The following CCDC186 variants were observed in gnomAD, a reference collection of about 807,000 sequenced individuals.
CCDC186 encodes coiled-coil domain containing 186.
In CCDC186, 49 loss-of-function variants were observed where a neutral mutation model predicts 113.7. The observed-to-expected ratio is 0.43, with a 90% CI of 0.34 to 0.55. The LOEUF (loss-of-function observed/expected upper bound fraction) is 0.55, where lower values mean the gene tolerates loss of function less well. Ranked by LOEUF, CCDC186 falls within the 20% of genes least tolerant of loss-of-function variation. The probability of loss-of-function intolerance (pLI) is 0.02; values close to 1 mark genes in which losing one functional copy is unlikely to be tolerated. For missense variants in CCDC186, 890 were observed against 1,011.1 expected, an observed-to-expected ratio of 0.88 and a Z score of 1.62; for synonymous variants, 355 against 345.8, an observed-to-expected ratio of 1.03 and a Z score of -0.30.
intron 7 of CCDC186, 117 bp downstream of exon 7, chr10:114,137,069 A>C (rs961034510): frequency 2.6e-5 from 18 of 681,578 alleles, no homozygotes; most frequent in Non-Finnish European, 4.2e-5. Context: ...GTGAGCCGAG[A>C]CTGTGCCATT....
At chr10:114,138,074 TAAAAAAAA>T (rs2031332949) in intron 6 of CCDC186, among the ~76,000 whole-genome samples, 1 of 73,678 alleles carries the variant, frequency 1.4e-5, no homozygotes, top group Admixed American at 1.8e-4. Context: ...AAAAAAAAAA[TAAAAAAAA>T]TACACAAATT....
At chr10:114,173,282 T>C in intron 1 of CCDC186, 1 of 452,132 alleles carries the variant, frequency 2.2e-6, no homozygotes, top group Non-Finnish European at 4.5e-6. Context: ...AAAATCAAGA[T>C]GGGAATATTA....
Position 114,131,914 on chromosome 10 carries a change from T to A in CCDC186, c.1911+15A>T. On this transcript the variant is annotated intron_variant, in intron 11 of 15. Coordinates refer to ENST00000369287, the MANE Select transcript of CCDC186 (RefSeq NM_018017.4). Reference sequence around the variant, plus strand: ...TTGTTACGTTGTTTTAAAAAAAATGTAAATTTATACTTACCAAATTAATAT... The same window carrying A: ...TTGTTACGTTGTTTTAAAAAAAATGAAAATTTATACTTACCAAATTAATAT... 6.3e-7 allele frequency: 1 copy of A among 1,576,882 alleles called. No individual in the cohort carries two copies.
rs140206743 is a variant in CCDC186 at position 114,126,251 on chromosome 10, A to C, written c.2394-146T>G. 8.2e-4 allele frequency: 525 copies of C among 644,134 alleles called. 1 individual carries two copies. The African/African-American group carries it at 8.6e-3, about 11-fold the overall frequency. The allele number at this position is 644,134 out of a possible 1,614,324, so 39.9% of individuals were successfully genotyped here. A position where few individuals can be genotyped will look rare whatever the true frequency, so the allele number is the denominator to read the frequency against. Reference sequence around the variant, plus strand: ...TATTAGAAAAGAATTCTCCTTATTCAGATGGTTTCTTAAACTATCTCATTT... The same window carrying C: ...TATTAGAAAAGAATTCTCCTTATTCCGATGGTTTCTTAAACTATCTCATTT... On this transcript the variant is annotated intron_variant, in intron 14 of 15. Coordinates refer to ENST00000369287, the MANE Select transcript of CCDC186 (RefSeq NM_018017.4).
At chr10:114,149,693 AGAAT>A (rs2031769049) in intron 4 of CCDC186, among the ~76,000 whole-genome samples, 1 of 352 alleles carries the variant, frequency 2.8e-3, no homozygotes, top group Admixed American at 0.033. Context: ...AGGAAAGAAA[AGAAT>A]GGAATGGAAG....
rs2032236065 is a variant in CCDC186 at position 114,163,303 on chromosome 10, A to T, written c.-35T>A. ...CACCAATTCACTTTGTAATTCTTCA[A>T]ATCTGCTCCTGATCTTCGTTTTACA... is the stretch of plus-strand genomic sequence containing the variant. On this transcript the variant is annotated 5_prime_UTR_variant, in exon 2 of 16. In the 5' UTR this introduces an upstream ATG that the reference lacks. Coordinates refer to ENST00000369287, the MANE Select transcript of CCDC186 (RefSeq NM_018017.4). 5 of 1,572,038 alleles carry T rather than the reference A, an allele frequency of 3.2e-6. No homozygotes were observed. The highest frequency in any genetic ancestry group is 4.3e-6 in the Non-Finnish European group (5 of 1,167,744).
rs750881735 is a variant in CCDC186, at chr10:114,125,194, T to C, written c.2646A>G (p.Glu882=). The change falls in exon 16 of 16, where the codon GAA becomes GAG. Residue 882 remains glutamate (E), a synonymous_variant. Transcript: ENST00000369287. ...ENLQTLGTEI[E]RLIKHQHELE... Reference sequence around the variant, plus strand: ...GTTCATGCTGGTGTTTAATAAGACGTTCTATTTCTGTTCCAAGTGTTTGTA... The same window carrying C: ...GTTCATGCTGGTGTTTAATAAGACGCTCTATTTCTGTTCCAAGTGTTTGTA... The C allele has an allele frequency of 2.5e-6, 4 of 1,611,290 alleles. No homozygotes were observed. The highest frequency in any genetic ancestry group is 2.7e-5 in the African/African-American group (2 of 74,618).
intron 14 of CCDC186, 90 bp from the exon 15 acceptor site, chr10:114,126,195 T>A: frequency 2.1e-6 from 2 of 930,592 alleles, no homozygotes; most frequent in South Asian, 1.6e-5. Flanking sequence ...AAGATAAGCA[T>A]AAAATAAATA....
chr10:114,151,857 C>T lies in CCDC186; in HGVS notation c.760-637G>A, dbSNP rs181102689. Reference sequence around the variant, plus strand: ...GCAATTCACATGTGCCAAAGAGAGGCTTTAAAGTGCTTATTTTAAGTGAAA... The same window carrying T: ...GCAATTCACATGTGCCAAAGAGAGGTTTTAAAGTGCTTATTTTAAGTGAAA... On this transcript the variant is annotated intron_variant, in intron 3 of 15. Coordinates refer to ENST00000369287, the MANE Select transcript of CCDC186 (RefSeq NM_018017.4). 7.2e-5 allele frequency among the ~76,000 whole-genome samples: 11 copies of T among 152,158 alleles called. No homozygotes were observed. In the East Asian group the frequency reaches 2.1e-3, roughly 29 times the overall value.
intron 4 of CCDC186, among the ~76,000 whole-genome samples, chr10:114,149,976 G>A (rs10509996): frequency 0.08 from 12,197 of 152,074 alleles, 573 homozygotes; most frequent in Middle Eastern, 0.14. Context: ...CCCTTCAATT[G>A]GTACAAAAGG....
chr10:114,166,204 CT>C (rs2032332142), intron 1 of CCDC186, among the ~76,000 whole-genome samples: 1 of 152,150 alleles, frequency 6.6e-6, no homozygotes, highest in Non-Finnish European at 1.5e-5. Flanking sequence ...AGTTGTACTA[CT>C]TTTCCATTCT....
At chr10:114,137,037 T>C (rs1458675052) in intron 7 of CCDC186, 149 bp downstream of exon 7, 12 of 548,458 alleles carry the variant, frequency 2.2e-5, no homozygotes, top group Non-Finnish European at 3.9e-5. Flanking sequence ...GAATCGCTTG[T>C]ACCCGGGAGG....
Position 114,121,980 on chromosome 10 carries a change from T to C in CCDC186, c.*3163A>G, listed in dbSNP as rs1329196010. On this transcript the variant is annotated 3_prime_UTR_variant, in exon 16 of 16. Coordinates refer to ENST00000369287, the MANE Select transcript of CCDC186 (RefSeq NM_018017.4). ...CCATGTGCCACTGCATCTGGCTAATTTTTTAATCTTTTGTACACATGGGGT... is the reference window on the plus strand; with the variant it reads ...CCATGTGCCACTGCATCTGGCTAATCTTTTAATCTTTTGTACACATGGGGT... 6.6e-6 allele frequency: 1 copy of C among 152,172 alleles called. No individual in the cohort carries two copies. The highest frequency in any genetic ancestry group is 1.5e-5 in the Non-Finnish European group (1 of 68,082). 9.4% of individuals were successfully genotyped at this position (152,172 alleles called of 1,614,324 possible).
intron 10 of CCDC186, among the ~76,000 whole-genome samples, chr10:114,134,393 G>T (rs913077268): frequency 5.3e-5 from 8 of 152,182 alleles, no homozygotes; most frequent in Non-Finnish European, 1.0e-4. Context: ...CAATCTAAAT[G>T]ATGGTAAGGA....
chr10:114,151,531 GT>G (rs1343145969), intron 3 of CCDC186, among the ~76,000 whole-genome samples: 1 of 151,894 alleles, frequency 6.6e-6, no homozygotes, highest in Non-Finnish European at 1.5e-5. Context: ...GTCACCCACA[GT>G]TCAAAAATAT....
At chr10:114,149,257 C>G (rs772567270) in intron 4 of CCDC186, among the ~76,000 whole-genome samples, 18 of 152,248 alleles carry the variant, frequency 1.2e-4, no homozygotes, top group Non-Finnish European at 2.2e-4. Flanking sequence ...CATCTACACT[C>G]TTCATCATTA....
At position 114,155,612 on chromosome 10, in the gene CCDC186, T is replaced by C. The variant is rs953151465; in HGVS notation, c.759+1942A>G. Among the ~76,000 whole-genome samples the C allele has an allele frequency of 5.9e-5, 9 of 152,036 alleles. 1 individual carries two copies. Among genetic ancestry groups the C allele is most frequent in the African/African-American group, 2.2e-4 (9 of 41,376 alleles). The stretch of plus-strand genomic sequence containing the variant: ...ATCGCTTGAACCTGGGAGGTAGTGG[T>C]TGCTATGAGCCGAGATCGCGCCATT... On this transcript the variant is annotated intron_variant, in intron 3 of 15. Coordinates refer to ENST00000369287, the MANE Select transcript of CCDC186 (RefSeq NM_018017.4).
chr10:114,122,304 T>A lies in CCDC186; in HGVS notation c.*2839A>T, dbSNP rs1242671177. ...TTCAAGCTAAATCGCTTTAAATGGT[T>A]ATGAAGATAGAAAGTAAAAACAAAA... On this transcript the variant is annotated 3_prime_UTR_variant, in exon 16 of 16. Transcript: ENST00000369287. The A allele has an allele frequency of 6.6e-6, 1 of 152,214 alleles. No homozygotes were observed. The highest frequency in any genetic ancestry group is 1.5e-5 in the Non-Finnish European group (1 of 68,040). 9.4% of individuals were successfully genotyped at this position (152,214 alleles called of 1,614,324 possible).
intron 3 of CCDC186, among the ~76,000 whole-genome samples, chr10:114,153,060 A>C (rs943862753): frequency 1.3e-5 from 2 of 152,222 alleles, no homozygotes; most frequent in Admixed American, 6.5e-5. Context: ...AATAAATAGA[A>C]TTAGGCAGAA....
Sources: allele counts gnomAD v4.1 joint callset (sites outside exome capture counted in the v4.1 genomes callset), GRCh38; gene constraint gnomAD v4.1.1; transcripts MANE v1.5; gene names NCBI Gene and HGNC (gene_info 2026-07-23, HGNC 2026-07-21).